Variants in SCART1 observed in about 807,000 individuals in gnomAD.
SCART1 encodes scavenger receptor family member expressed on T cells 1.
A neutral mutation model predicts 36.2 loss-of-function variants in SCART1; 62 were observed. The observed-to-expected ratio is 1.71, with a 90% CI of 1.40 to 2.12. SCART1 has a LOEUF of 2.12. SCART1 is among the 30% of genes most tolerant of loss of function. SCART1 has a pLI of 0.00. For missense variants in SCART1, 1,041 were observed against 540.5 expected (o/e 1.93, Z -9.18); for synonymous variants, 487 against 238.7 (o/e 2.04, Z -9.59).
exon 5 of SCART1, chr10:133,459,096 T>A (rs1390263099): frequency 7.1e-6 from 5 of 702,590 alleles, no homozygotes; most frequent in Non-Finnish European, 1.3e-5. Flanking sequence ...TGGGCACCCC[T>A]CTGTGCCACC....
At chr10:133,459,511 G>A in exon 6 of SCART1, 1 of 664,050 alleles carries the variant, frequency 1.5e-6, no homozygotes. Context: ...CTGCGACTGA[G>A]GGAAGGACAG....
intron 6 of SCART1, among the ~76,000 whole-genome samples, chr10:133,463,148 C>T (rs1027082299): frequency 1.3e-5 from 2 of 152,082 alleles, no homozygotes; most frequent in African/African-American, 4.8e-5. Context: ...CCAAGGGTAA[C>T]ATTGAACATA....
chr10:133,466,196 C>T (rs1168853377), intron 9 of SCART1, 39 bp from the exon 10 acceptor site: 1 of 694,510 alleles, frequency 1.4e-6, no homozygotes, highest in Non-Finnish European at 2.6e-6. Flanking sequence ...TGCAGGTCCC[C>T]CCCACCACCC....
At chr10:133,454,121 G>A in intron 1 of SCART1, 57 bp downstream of exon 1, 1 of 702,044 alleles carries the variant, frequency 1.4e-6, no homozygotes, top group South Asian at 1.5e-5. Flanking sequence ...CTCTGTTGAT[G>A]CCCAGGCCCC....
chr10:133,459,937 C>A lies in SCART1; in HGVS notation c.1736C>A (p.Thr579Asn), dbSNP rs746610607. 5.6e-6 allele frequency: 3 copies of A among 535,070 alleles called. No individual in the cohort carries two copies. The South Asian group carries it at 7.5e-5, about 13-fold the overall frequency. The allele number at this position is 535,070 out of a possible 1,614,324, so 33.1% of individuals were successfully genotyped here. A position where few individuals can be genotyped will look rare whatever the true frequency, so the allele number is the denominator to read the frequency against. Residue 579 changes from threonine to asparagine, a missense_variant, in exon 6 of 12, where the codon ACC (threonine) becomes AAC (asparagine). By Grantham distance (65) the Thr-to-Asn change is moderately conservative. Coordinates refer to ENST00000640237, the Ensembl canonical transcript of SCART1. ...GCGCTGCACGGGGGCGCGTGGGGCA[C>A]CGTGTGTGACGATGCCTGGGACCTG...
exon 6 of SCART1, chr10:133,460,044 G>T: frequency 1.9e-6 from 1 of 514,262 alleles, no homozygotes; most frequent in South Asian, 2.8e-5. Context: ...CGGAGCCGGG[G>T]CAGGGCGCAT....
chr10:133,457,826 C>T (rs1313466680), intron 3 of SCART1: 11 of 550,326 alleles, frequency 2.0e-5, no homozygotes, highest in South Asian at 4.9e-5. Flanking sequence ...TCCTGGCTGC[C>T]GCTGCAAGTC....
chr10:133,460,616 G>C (rs1298581464), intron 6 of SCART1, among the ~76,000 whole-genome samples: 4 of 151,068 alleles, frequency 2.6e-5, no homozygotes, highest in Non-Finnish European at 5.9e-5. Context: ...GGTCACCGCA[G>C]TCTTGACCTC....
chr10:133,469,231 G>T (rs540650261), downstream of SCART1: 2 of 152,246 alleles, frequency 1.3e-5, no homozygotes, highest in South Asian at 2.1e-4. Context: ...GGGGTTGTTT[G>T]CTTTTACCTT....
At chr10:133,467,166 G>A in intron 10 of SCART1, 32 bp from the exon 11 acceptor site, 1 of 665,974 alleles carries the variant, frequency 1.5e-6, no homozygotes, top group Non-Finnish European at 2.7e-6. Context: ...CACACTGAGG[G>A]CCTGTGTGTG....
chr10:133,459,982 G>A (rs1162825939), exon 6 of SCART1: 1 of 544,430 alleles, frequency 1.8e-6, no homozygotes. Flanking sequence ...CACGTGGTCT[G>A]CAGGCAGCTG....
chr10:133,459,202 C>T lies in SCART1; in HGVS notation c.1161C>T (p.Asp387=), dbSNP rs61741790. 1.3e-4 allele frequency: 93 copies of T among 702,146 alleles called. 2 individuals are homozygous for T. Among genetic ancestry groups the T allele is most frequent in the African/African-American group, 5.4e-4 (31 of 57,244 alleles). 43.5% of individuals were successfully genotyped at this position (702,146 alleles called of 1,614,324 possible). A position where few individuals can be genotyped will look rare whatever the true frequency, so the allele number is the denominator to read the frequency against. ...GAGGAGGCCATTTTGGGGACGGGGA[C>T]GCTGCCATCTGGCCTGATGCCTTTC... Residue 387 remains aspartate, a synonymous_variant, in exon 5 of 12, where the codon GAC becomes GAT. Coordinates refer to ENST00000640237, the Ensembl canonical transcript of SCART1.
At chr10:133,465,381 C>T (rs1386595042) in exon 9 of SCART1, 2 of 659,384 alleles carry the variant, frequency 3.0e-6, no homozygotes, top group South Asian at 3.2e-5. Context: ...TCGTGTGCCG[C>T]CAGCTGGGCT....
chr10:133,460,618 C>G (rs1850691331), intron 6 of SCART1, among the ~76,000 whole-genome samples: 1 of 151,564 alleles, frequency 6.6e-6, no homozygotes, highest in Admixed American at 6.6e-5. Context: ...TCACCGCAGT[C>G]TTGACCTCCT....
rs890839781 is a variant in SCART1 at position 133,460,146 on chromosome 10, G to A, written c.1945G>A (p.Glu649Lys). 9 of 510,794 alleles carry A rather than the reference G, an allele frequency of 1.8e-5. No homozygotes were observed. In the East Asian group the frequency reaches 2.1e-4, roughly 12 times the overall value. The allele number at this position is 510,794 out of a possible 1,614,324, so 31.6% of individuals were successfully genotyped here. A position where few individuals can be genotyped will look rare whatever the true frequency, so the allele number is the denominator to read the frequency against. Reference sequence around the variant, plus strand: ...GGGGCGGCACGACTGGAGGCACAAGGAGGACGCCGGCGTCTTCTGCTCAGG... The same window carrying A: ...GGGGCGGCACGACTGGAGGCACAAGAAGGACGCCGGCGTCTTCTGCTCAGG... The change falls in exon 6 of 12, where the codon GAG becomes AAG. Residue 649 changes from glutamate (E) to lysine (K), a missense_variant. By Grantham distance (56) the Glu-to-Lys change is moderately conservative. Transcript: ENST00000640237.
intron 7 of SCART1, 55 bp from the exon 8 acceptor site, chr10:133,465,051 C>T (rs1039046398): frequency 2.8e-6 from 2 of 702,330 alleles, no homozygotes; most frequent in Non-Finnish European, 5.2e-6. Flanking sequence ...CCACAGCCTT[C>T]CTTGTGAAGC....
rs772278430 is a variant in SCART1, at chr10:133,467,355, T to C, written c.2962+2T>C. ...TGAAGGTGGACACAGAAGCCGCAGGTGGGTTTGTGCTCCAGCTCAGGGGTG... is the reference window on the plus strand; with the variant it reads ...TGAAGGTGGACACAGAAGCCGCAGGCGGGTTTGTGCTCCAGCTCAGGGGTG... On this transcript the variant is annotated splice_donor_variant, in intron 11 of 11. Transcript: ENST00000640237. LOFTEE classifies it high-confidence loss of function. The C allele has an allele frequency of 4.3e-6, 3 of 699,434 alleles. No homozygotes were observed. In the South Asian group the frequency reaches 4.5e-5, roughly 10 times the overall value. The allele number at this position is 699,434 out of a possible 1,614,324, so 43.3% of individuals were successfully genotyped here.
At chr10:133,460,494 A>T (rs1275355606) in intron 6 of SCART1, among the ~76,000 whole-genome samples, 7 of 135,934 alleles carry the variant, frequency 5.1e-5, no homozygotes, top group South Asian at 5.5e-4. Flanking sequence ...ATATATTTAT[A>T]TATTTTAAAA....
chr10:133,455,216 G>A (rs1850594258), intron 1 of SCART1, among the ~76,000 whole-genome samples: 1 of 152,164 alleles, frequency 6.6e-6, no homozygotes, highest in African/African-American at 2.4e-5. Context: ...GCAGTGAGCT[G>A]AGATCGTGCC....
Sources: allele counts gnomAD v4.1 joint callset (sites outside exome capture counted in the v4.1 genomes callset), GRCh38; gene constraint gnomAD v4.1.1; transcripts MANE v1.5; gene names NCBI Gene and HGNC (gene_info 2026-07-23, HGNC 2026-07-21).